KAZN: variants seen among roughly 807,000 people sequenced by gnomAD.
KAZN encodes kazrin, periplakin interacting protein.
KAZN carries 40 observed loss-of-function variants against 87.4 expected under a neutral mutation model. That is an observed-to-expected ratio of 0.46 (90% CI 0.36 to 0.60). The LOEUF is 0.60. KAZN is among the 20% of genes least tolerant of loss of function. The pLI is 0.00. For synonymous variants in KAZN, 466 were observed against 458.3 expected, an observed-to-expected ratio of 1.02 and a Z score of -0.22; for missense variants, 898 against 1,073.9, an observed-to-expected ratio of 0.84 and a Z score of 2.29.
chr1:14,060,362 C>CAAA (rs56206554), intron 1 of KAZN, among the ~76,000 whole-genome samples: 7 of 100,624 alleles, frequency 7.0e-5, no homozygotes, highest in Non-Finnish European at 8.3e-5. Context: ...GACTCCACCT[C>CAAA]AAAAAAAAAA....
chr1:14,694,477 C>T (rs1257105544), intron 1 of KAZN, among the ~76,000 whole-genome samples: 1 of 152,086 alleles, frequency 6.6e-6, no homozygotes, highest in African/African-American at 2.4e-5. Flanking sequence ...TTCATTCATT[C>T]ATTTATTCAT....
intron 1 of KAZN, among the ~76,000 whole-genome samples, chr1:14,071,957 T>A (rs917586529): frequency 9.9e-5 from 15 of 152,196 alleles, no homozygotes; most frequent in African/African-American, 3.6e-4. Flanking sequence ...TCATCAGTCA[T>A]GTTTGTAGTA....
intron 1 of KAZN, among the ~76,000 whole-genome samples, chr1:14,001,477 A>C (rs1031844505): frequency 6.6e-6 from 1 of 152,234 alleles, no homozygotes; most frequent in African/African-American, 2.4e-5. Flanking sequence ...TACCATTGAC[A>C]TTCTTCACAA....
chr1:14,376,898 C>T (rs765465120), intron 2 of KAZN, among the ~76,000 whole-genome samples: 2 of 152,120 alleles, frequency 1.3e-5, no homozygotes, highest in African/African-American at 2.4e-5. Flanking sequence ...ATTGTTTTTG[C>T]TATGTATGTT....
At chr1:14,131,999 G>A (rs2101736546) in intron 1 of KAZN, among the ~76,000 whole-genome samples, 1 of 152,218 alleles carries the variant, frequency 6.6e-6, no homozygotes, top group South Asian at 2.1e-4. Flanking sequence ...CTCACCCACA[G>A]AGCCTGAGAT....
At chr1:15,090,615 G>A (rs1445718819) in intron 8 of KAZN, among the ~76,000 whole-genome samples, 1 of 152,242 alleles carries the variant, frequency 6.6e-6, no homozygotes, top group Non-Finnish European at 1.5e-5. Flanking sequence ...GGCAACAGGA[G>A]GCCACTCAGA....
chr1:14,907,329 G>A (rs1656707032), intron 1 of KAZN, among the ~76,000 whole-genome samples: 1 of 151,516 alleles, frequency 6.6e-6, no homozygotes. Context: ...TTGAACCCAG[G>A]AGATGGAGGT....
chr1:14,955,043 G>A (rs960842555), intron 1 of KAZN, among the ~76,000 whole-genome samples: 5 of 152,270 alleles, frequency 3.3e-5, no homozygotes, highest in Middle Eastern at 3.4e-3. Context: ...ACACAAAATC[G>A]GTAGCATTCA....
At chr1:14,673,692 G>C (rs181728746) in intron 1 of KAZN, among the ~76,000 whole-genome samples, 1 of 152,340 alleles carries the variant, frequency 6.6e-6, no homozygotes, top group East Asian at 1.9e-4. Flanking sequence ...GAGTGACTTT[G>C]ACAGAAACTT....
intron 6 of KAZN, chr1:15,061,537 G>A (rs1206638949): frequency 1.3e-5 from 2 of 152,148 alleles, no homozygotes; most frequent in Non-Finnish European, 2.9e-5. Flanking sequence ...GTATGTGTGT[G>A]TGATGGAGTT....
At chr1:14,728,289 TAAAAAAAAAAAAAAA>T (rs55745144) in intron 1 of KAZN, among the ~76,000 whole-genome samples, 1 of 29,846 alleles carries the variant, frequency 3.4e-5, no homozygotes, top group South Asian at 1.4e-3. Context: ...ACCGTATATA[TAAAAAAAAAAAAAAA>T]AAAAAAAAAA....
intron 1 of KAZN, among the ~76,000 whole-genome samples, chr1:14,687,247 A>G (rs1408053140): frequency 6.6e-6 from 1 of 152,180 alleles, no homozygotes; most frequent in East Asian, 1.9e-4. Context: ...TTTACTCACC[A>G]TGTATTAAGC....
intron 1 of KAZN, among the ~76,000 whole-genome samples, chr1:13,900,359 C>G (rs1318954945): frequency 6.6e-6 from 1 of 152,152 alleles, no homozygotes; most frequent in Non-Finnish European, 1.5e-5. Flanking sequence ...ACCCTCAGCC[C>G]CAAGGTAAAG....
rs1266452498 is a variant in KAZN at position 15,096,678 on chromosome 1, T to C, written c.1547+1745T>C. ...TGGGACCTGGGGAGGGCTCTCTTCC[T>C]GGCTTGCAGAAGGCAACCTTCTTGC... is the stretch of plus-strand genomic sequence containing the variant. On this transcript the variant is annotated intron_variant, in intron 10 of 14. Transcript: ENST00000376030. This position sits in a 1 kb window ranked among gnomAD's most constrained non-coding sequence, Gnocchi z 4.5. Among the ~76,000 whole-genome samples, 1 of 152,174 alleles carries C rather than the reference T, an allele frequency of 6.6e-6. No homozygotes were observed. Among genetic ancestry groups the C allele is most frequent in the Non-Finnish European group, 1.5e-5 (1 of 68,026 alleles).
chr1:14,142,108 C>CTT (rs35138469), intron 1 of KAZN, among the ~76,000 whole-genome samples: 3,661 of 128,896 alleles, frequency 0.028, 105 homozygotes, highest in Non-Finnish European at 0.039. Flanking sequence ...CCCTCCTTCC[C>CTT]TTTTTTTTTT....
chr1:15,087,330 A>G (rs10927673), intron 8 of KAZN, among the ~76,000 whole-genome samples: 38,340 of 151,356 alleles, frequency 0.25, 7,139 homozygotes, highest in East Asian at 0.72. Context: ...TTATGAAATA[A>G]TTTACATTCT....
intron 2 of KAZN, among the ~76,000 whole-genome samples, chr1:14,361,596 C>T (rs956765633): frequency 6.6e-6 from 1 of 152,248 alleles, no homozygotes; most frequent in Non-Finnish European, 1.5e-5. Flanking sequence ...AGAGAATCTC[C>T]TGGTCTGTGG....
At chr1:14,374,358 T>C (rs576456481) in intron 2 of KAZN, among the ~76,000 whole-genome samples, 1 of 152,136 alleles carries the variant, frequency 6.6e-6, no homozygotes, top group South Asian at 2.1e-4. Context: ...AATGAACGAA[T>C]GTTTGGGGGA....
chr1:13,995,219 C>CAAAAAA (rs113600200), intron 1 of KAZN, among the ~76,000 whole-genome samples: 1 of 107,390 alleles, frequency 9.3e-6, no homozygotes, highest in Non-Finnish European at 2.0e-5. Flanking sequence ...TGCAATAAGG[C>CAAAAAA]AAAAAAAAAA....
Sources: allele counts gnomAD v4.1 joint callset (sites outside exome capture counted in the v4.1 genomes callset), GRCh38; gene constraint gnomAD v4.1.1; non-coding constraint Gnocchi (gnomAD v3.1); transcripts MANE v1.5; gene names NCBI Gene and HGNC (gene_info 2026-07-23, HGNC 2026-07-21).